LPP: variants seen among roughly 807,000 people sequenced by gnomAD.
The protein encoded by LPP is lipoma-preferred partner.
In LPP, 38 loss-of-function variants were observed where a neutral mutation model predicts 60.4. The ratio of observed to expected loss-of-function variants is 0.63; its 90% confidence interval spans 0.49 to 0.83. The LOEUF (loss-of-function observed/expected upper bound fraction) is 0.83, where lower values mean the gene tolerates loss of function less well. Ranked by LOEUF, LPP falls within the 40% of genes least tolerant of loss-of-function variation. The pLI is 0.00. For synonymous variants in LPP, 328 were observed against 290.8 expected (o/e 1.13, Z -1.30); for missense variants, 902 against 783.6 (o/e 1.15, Z -1.80).
rs148724737 is a variant in LPP at position 188,517,708 on chromosome 3, C to G, written c.307-6957C>G. Among the ~76,000 whole-genome samples, 408 of 152,276 alleles carry G rather than the reference C, an allele frequency of 2.7e-3. 3 individuals are homozygous for G. The highest frequency in any genetic ancestry group is 9.4e-3 in the African/African-American group (389 of 41,566). On this transcript the variant is annotated intron_variant, in intron 5 of 11. Transcript: ENST00000617246. ...TGAGGGTGATGCAAAGCAGAAACCC[C>G]TGATAAAACCATCAGATCTCGTGAA...
At chr3:188,166,902 C>A (rs1018009322) in intron 1 of LPP, among the ~76,000 whole-genome samples, 4 of 152,134 alleles carry the variant, frequency 2.6e-5, no homozygotes, top group Non-Finnish European at 5.9e-5. Flanking sequence ...ATTAAAAAAA[C>A]CACCACCACC....
intron 9 of LPP, among the ~76,000 whole-genome samples, chr3:188,778,874 A>T (rs1395814163): frequency 6.6e-6 from 1 of 152,192 alleles, no homozygotes; most frequent in Non-Finnish European, 1.5e-5. Context: ...GCTCTAGTTT[A>T]TCCACCAAAT....
chr3:188,854,705 G>A (rs973264638), intron 9 of LPP, among the ~76,000 whole-genome samples: 2 of 152,186 alleles, frequency 1.3e-5, no homozygotes, highest in East Asian at 3.8e-4. Flanking sequence ...GATCAAGTTT[G>A]GTTCAAAGAA....
chr3:188,314,630 G>C (rs933008299), intron 2 of LPP, among the ~76,000 whole-genome samples: 8 of 151,850 alleles, frequency 5.3e-5, no homozygotes, highest in Non-Finnish European at 1.5e-5. Flanking sequence ...AGACCATCCT[G>C]ACCAAAATAG....
chr3:188,558,672 A>AT (rs1560562850), intron 6 of LPP, among the ~76,000 whole-genome samples: 1 of 152,184 alleles, frequency 6.6e-6, no homozygotes, highest in South Asian at 2.1e-4. Flanking sequence ...TTTAATATTC[A>AT]TTTTTTAAGA....
chr3:188,798,902 A>G (rs749940883), intron 9 of LPP, among the ~76,000 whole-genome samples: 7 of 152,258 alleles, frequency 4.6e-5, no homozygotes, highest in African/African-American at 7.2e-5. Context: ...TTTCTTGCTC[A>G]GTATCTTAAA....
chr3:188,873,320 G>A (rs1768647243), intron 11 of LPP, among the ~76,000 whole-genome samples: 1 of 152,142 alleles, frequency 6.6e-6, no homozygotes, highest in African/African-American at 2.4e-5. Flanking sequence ...TATGTCAAAT[G>A]AAGACATGAA....
intron 4 of LPP, among the ~76,000 whole-genome samples, chr3:188,462,681 A>G (rs1251067922): frequency 6.7e-6 from 1 of 148,738 alleles, no homozygotes; most frequent in Non-Finnish European, 1.5e-5. Flanking sequence ...ATTTAGAAGC[A>G]TATAAAAGTT....
chr3:188,707,343 T>C (rs544875844), intron 7 of LPP, among the ~76,000 whole-genome samples: 13 of 152,092 alleles, frequency 8.5e-5, no homozygotes, highest in Non-Finnish European at 1.8e-4. Context: ...CCCATATGGG[T>C]ACAGGGGATG....
In LPP at chr3:188,548,741, T is replaced by A. The variant is rs992800667; in HGVS notation, c.429+23954T>A. Among the ~76,000 whole-genome samples the A allele has an allele frequency of 1.4e-4, 21 of 152,048 alleles. 1 individual carries two copies. Among genetic ancestry groups the A allele is most frequent in the Non-Finnish European group, 2.9e-5 (2 of 68,006 alleles). ...CCAGAAGAATCAGGATGGACTGGAT[T>A]TGAATATAAAAAGTAGGAAGAGAGG... On this transcript the variant is annotated intron_variant, in intron 6 of 11. Transcript: ENST00000617246.
intron 2 of LPP, among the ~76,000 whole-genome samples, chr3:188,229,412 T>C (rs1288767610): frequency 3.9e-5 from 6 of 152,216 alleles, no homozygotes; most frequent in African/African-American, 1.4e-4. Context: ...TCCTCTTTGG[T>C]CCTCAGAAGT....
intron 2 of LPP, among the ~76,000 whole-genome samples, chr3:188,271,470 G>T (rs1332263755): frequency 6.6e-6 from 1 of 152,206 alleles, no homozygotes; most frequent in Non-Finnish European, 1.5e-5. Flanking sequence ...AGGGATGTGA[G>T]ACTGAGGTGT....
intron 6 of LPP, among the ~76,000 whole-genome samples, chr3:188,535,396 G>A (rs1823299627): frequency 6.6e-6 from 1 of 152,054 alleles, no homozygotes; most frequent in Admixed American, 6.6e-5. Flanking sequence ...CTGAGGCAAG[G>A]TTATCATTTG....
intron 5 of LPP, among the ~76,000 whole-genome samples, chr3:188,496,155 T>C (rs1298493555): frequency 6.6e-6 from 1 of 152,116 alleles, no homozygotes; most frequent in Non-Finnish European, 1.5e-5. Context: ...CAGGGTCTTC[T>C]TGCTCTGTTG....
At chr3:188,665,677 G>A (rs1221715876) in intron 7 of LPP, among the ~76,000 whole-genome samples, 1 of 152,000 alleles carries the variant, frequency 6.6e-6, no homozygotes, top group Admixed American at 6.6e-5. Context: ...TGGCCAGGCT[G>A]GTCTCAAACT....
In LPP at chr3:188,154,206, GCCGCCGCCA is replaced by G. The variant is rs965576612; in HGVS notation, c.-233_-225del. Reference sequence around the variant, plus strand: ...GCCTCCAGCCGCCGCCGCCGCCGCCGCCGCCGCCACCACCACCGCCGCTGCCCCGGCTGC... The same window carrying G: ...GCCTCCAGCCGCCGCCGCCGCCGCCGCCACCACCGCCGCTGCCCCGGCTGC... On this transcript the variant is annotated 5_prime_UTR_variant, in exon 1 of 12. Transcript: ENST00000617246. 6 of 222,696 alleles carry G rather than the reference GCCGCCGCCA, an allele frequency of 2.7e-5. No individual in the cohort carries two copies. Among genetic ancestry groups the G allele is most frequent in the South Asian group, 6.0e-5 (1 of 16,698 alleles). 13.8% of individuals were successfully genotyped at this position (222,696 alleles called of 1,614,324 possible). A position where few individuals can be genotyped will look rare whatever the true frequency, so the allele number is the denominator to read the frequency against.
intron 7 of LPP, among the ~76,000 whole-genome samples, chr3:188,665,457 CTTCTTT>C (rs751176235): frequency 2.3e-5 from 2 of 87,038 alleles, no homozygotes; most frequent in Non-Finnish European, 4.6e-5. Flanking sequence ...TCTTCTTCTT[CTTCTTT>C]TTTTTTTTTT....
chr3:188,222,264 G>T (rs1716065429), intron 1 of LPP, among the ~76,000 whole-genome samples: 1 of 152,148 alleles, frequency 6.6e-6, no homozygotes, highest in Non-Finnish European at 1.5e-5. Context: ...GAGACATACA[G>T]TATCTAACAA....
chr3:188,751,558 G>T (rs1194571924), intron 8 of LPP, among the ~76,000 whole-genome samples: 1 of 152,186 alleles, frequency 6.6e-6, no homozygotes, highest in Non-Finnish European at 1.5e-5. Context: ...CAAGTTTCCT[G>T]CCTGGCCAGA....
Sources: gnomAD v4.1 joint callset for allele counts (sites outside exome capture counted in the v4.1 genomes callset) on GRCh38, gnomAD v4.1.1 for gene constraint, MANE v1.5 for transcripts, NCBI Gene and HGNC (gene_info 2026-07-23, HGNC 2026-07-21) for gene names.